NLN: variants seen among roughly 807,000 people sequenced by gnomAD.
NLN encodes the protein neurolysin, also known as neurolysin, mitochondrial.
NLN carries 64 observed loss-of-function variants against 79.9 expected under a neutral mutation model. That is an observed-to-expected ratio of 0.80 (90% confidence interval 0.65 to 0.99). The LOEUF is 0.99. Ranked by LOEUF, NLN falls within the 50% of genes least tolerant of loss-of-function variation. NLN has a pLI of 0.00. For missense variants in NLN, 835 were observed against 858.7 expected (o/e 0.97, Z 0.34); for synonymous variants, 267 against 296.6 (o/e 0.90, Z 1.02).
In NLN at chr5:65,772,370, A is replaced by G. The variant is rs192499730; in HGVS notation, c.451-5057A>G. On this transcript the variant is annotated intron_variant, in intron 3 of 12. Transcript: ENST00000380985. ...TGTGTGTTGAACTGAACTAGCCCCAATGAAAATGTATCTTCATGCAGTGTG... is the reference window on the plus strand; with the variant it reads ...TGTGTGTTGAACTGAACTAGCCCCAGTGAAAATGTATCTTCATGCAGTGTG... 5.3e-3 allele frequency among the ~76,000 whole-genome samples: 814 copies of G among 152,338 alleles called. 9 individuals are homozygous for G. Among genetic ancestry groups the G allele is most frequent in the Non-Finnish European group, 4.8e-3 (329 of 68,030 alleles).
At chr5:65,815,553 C>T (rs1237438304) in intron 12 of NLN, among the ~76,000 whole-genome samples, 1 of 152,118 alleles carries the variant, frequency 6.6e-6, no homozygotes. Context: ...TAATTCCTTC[C>T]TTTACACTTT....
chr5:65,760,576 A>C (rs189543133), intron 2 of NLN, among the ~76,000 whole-genome samples: 1 of 152,342 alleles, frequency 6.6e-6, no homozygotes, highest in Admixed American at 6.5e-5. Flanking sequence ...GCTATGGCAC[A>C]ATCCTAGCTC....
rs901024734 is a variant in NLN, at chr5:65,828,289, G to A, written c.*5374G>A. 4 of 152,094 alleles carry A rather than the reference G, an allele frequency of 2.6e-5. No individual in the cohort carries two copies. The highest frequency in any genetic ancestry group is 4.4e-5 in the Non-Finnish European group (3 of 68,028). 9.4% of individuals were successfully genotyped at this position (152,094 alleles called of 1,614,324 possible). On this transcript the variant is annotated 3_prime_UTR_variant, in exon 13 of 13. Transcript: ENST00000380985. ...CCTAGATCAAAAGAATAATCCCCCC[G>A]GACTCCAGTGTAAGATCAATTACTG... is the stretch of plus-strand genomic sequence containing the variant.
At position 65,762,987 on chromosome 5, in the gene NLN, A is replaced by G. The variant is rs773528792; in HGVS notation, c.329A>G (p.Gln110Arg). The G allele has an allele frequency of 6.2e-7, 1 of 1,614,004 alleles. No individual in the cohort carries two copies. The highest frequency in any genetic ancestry group is 1.7e-5 in the Admixed American group (1 of 60,006). ...IVERTMLDFP[Q>R]HVSSDKEVRA... Reference sequence around the variant, plus strand: ...GAAAGGACCATGCTAGACTTTCCCCAGCATGTATCCTCTGACAAAGAAGTA... The same window carrying G: ...GAAAGGACCATGCTAGACTTTCCCCGGCATGTATCCTCTGACAAAGAAGTA... The change falls in exon 3 of 13, where the codon CAG (glutamine) becomes CGG (arginine). Residue 110 changes from glutamine to arginine, a missense_variant. Transcript: ENST00000380985.
chr5:65,750,233 C>G (rs1472397394), intron 1 of NLN, among the ~76,000 whole-genome samples: 1 of 152,202 alleles, frequency 6.6e-6, no homozygotes, highest in Non-Finnish European at 1.5e-5. Flanking sequence ...GTGTGGTACC[C>G]ACTTACTACA....
At chr5:65,773,127 A>ATTTTTTTTTTT (rs757202934) in intron 3 of NLN, among the ~76,000 whole-genome samples, 2 of 96,610 alleles carry the variant, frequency 2.1e-5, no homozygotes, top group African/African-American at 8.4e-5. Context: ...CCTGAATTCT[A>ATTTTTTTTTTT]TTTTTTTTTT....
rs764303978 is a variant in NLN at position 65,806,385 on chromosome 5, T to A, written c.1528-3130T>A. 2.6e-5 allele frequency among the ~76,000 whole-genome samples: 4 copies of A among 152,312 alleles called. No individual in the cohort carries two copies. The South Asian group carries it at 8.3e-4, about 32-fold the overall frequency. ...CAAATGCCATTAAGAACATGCATGA[T>A]TCATGGGAAGAGATCAAAATATCAA... On this transcript the variant is annotated intron_variant, in intron 9 of 12. Transcript: ENST00000380985.
intron 9 of NLN, chr5:65,793,212 T>C: frequency 4.9e-6 from 1 of 202,322 alleles, no homozygotes; most frequent in Non-Finnish European, 1.0e-5. Flanking sequence ...AAATAAAAAG[T>C]ACATTTATTC....
Position 65,758,845 on chromosome 5 carries a change from C to T in NLN, c.301+19C>T. ...TATATAGGTGGGTCAGATGCAGAAGCATATCAGTGTTTCACTTTGTGGACA... is the reference window on the plus strand; with the variant it reads ...TATATAGGTGGGTCAGATGCAGAAGTATATCAGTGTTTCACTTTGTGGACA... On this transcript the variant is annotated intron_variant, in intron 2 of 12. Transcript: ENST00000380985. 1 of 1,593,218 alleles carries T rather than the reference C, an allele frequency of 6.3e-7. No homozygotes were observed. Among genetic ancestry groups the T allele is most frequent in the Non-Finnish European group, 8.6e-7 (1 of 1,163,600 alleles).
intron 1 of NLN, among the ~76,000 whole-genome samples, chr5:65,750,986 G>A (rs252622): frequency 0.57 from 86,656 of 151,908 alleles, 25,077 homozygotes; most frequent in African/African-American, 0.61. Flanking sequence ...CTTTGTAAAT[G>A]GTAGAAATCA....
chr5:65,804,621 CT>C (rs1259017365), intron 9 of NLN, among the ~76,000 whole-genome samples: 1 of 152,130 alleles, frequency 6.6e-6, no homozygotes, highest in Non-Finnish European at 1.5e-5. Context: ...CCTCCACCTC[CT>C]GGGTTCAAGC....
Position 65,780,038 on chromosome 5 carries a change from C to A in NLN, c.559-141C>A, listed in dbSNP as rs545547164. On this transcript the variant is annotated intron_variant, in intron 4 of 12. Transcript: ENST00000380985. ...ACTGGCTTTCACCATGTTAGCCAGG[C>A]TGGTCTTGGACTCTTGACCTCAAAT... The A allele has an allele frequency of 7.0e-5, 37 of 524,842 alleles. 1 individual carries two copies. In the African/African-American group the frequency reaches 7.3e-4, roughly 10 times the overall value. 32.5% of individuals were successfully genotyped at this position (524,842 alleles called of 1,614,324 possible). A position where few individuals can be genotyped will look rare whatever the true frequency, so the allele number is the denominator to read the frequency against.
At position 65,780,172 on chromosome 5, in the gene NLN, C is replaced by T; in HGVS notation, c.559-7C>T. On this transcript the variant is annotated splice_polypyrimidine_tract_variant and splice_region_variant and intron_variant, in intron 4 of 12. Coordinates refer to ENST00000380985, the MANE Select transcript of NLN (RefSeq NM_020726.5). ...GCTAATGCCCTGTATTTTTATCTTC[C>T]TTTCAGGAAATCAAATCAATGAAGA... 2 of 1,156,040 alleles carry T rather than the reference C, an allele frequency of 1.7e-6. No homozygotes were observed. The highest frequency in any genetic ancestry group is 2.6e-6 in the Non-Finnish European group (2 of 777,198). The allele number at this position is 1,156,040 out of a possible 1,614,324, so 71.6% of individuals were successfully genotyped here. A position where few individuals can be genotyped will look rare whatever the true frequency, so the allele number is the denominator to read the frequency against.
intron 2 of NLN, 99 bp downstream of exon 2, chr5:65,758,925 A>G: frequency 9.5e-7 from 1 of 1,055,376 alleles, no homozygotes; most frequent in Non-Finnish European, 1.4e-6. Context: ...ACAAGCATTG[A>G]TTTTTACATT....
intron 3 of NLN, among the ~76,000 whole-genome samples, chr5:65,767,681 G>T (rs1048148674): frequency 2.6e-5 from 4 of 152,142 alleles, no homozygotes; most frequent in Admixed American, 1.3e-4. Flanking sequence ...CCATGGTCAG[G>T]CTGCAAATTT....
chr5:65,725,249 G>A (rs1758442792), intron 1 of NLN, among the ~76,000 whole-genome samples: 1 of 152,226 alleles, frequency 6.6e-6, no homozygotes, highest in Admixed American at 6.5e-5. Flanking sequence ...ACAGTCATAT[G>A]AAGTTGGAAA....
intron 9 of NLN, among the ~76,000 whole-genome samples, chr5:65,806,083 CA>C (rs1209694531): frequency 4.1e-5 from 6 of 147,916 alleles, no homozygotes; most frequent in African/African-American, 7.4e-5. Context: ...ATCTACTACT[CA>C]AAAAAAAAAG....
chr5:65,739,971 G>A (rs1758836058), intron 1 of NLN, among the ~76,000 whole-genome samples: 2 of 151,866 alleles, frequency 1.3e-5, no homozygotes, highest in African/African-American at 2.4e-5. Flanking sequence ...TCTGTTTATT[G>A]TTTCCTTTGC....
rs751072872 is a variant in NLN, at chr5:65,762,940, G to GT, written c.302-13dup. 1.2e-6 allele frequency: 2 copies of GT among 1,611,442 alleles called. No individual in the cohort carries two copies. The highest frequency in any genetic ancestry group is 1.3e-5 in the African/African-American group (1 of 74,918). On this transcript the variant is annotated intron_variant, in intron 2 of 12. Transcript: ENST00000380985. ...TGACAAGTCCTGTTGTGTGGTGATA[G>GT]TTTTTTTCTCCATCTGCAGTGGAAA... is the stretch of plus-strand genomic sequence containing the variant.
Sources: gnomAD v4.1 joint callset for allele counts (sites outside exome capture counted in the v4.1 genomes callset) on GRCh38, gnomAD v4.1.1 for gene constraint, MANE v1.5 for transcripts, NCBI Gene and HGNC (gene_info 2026-07-23, HGNC 2026-07-21) for gene names.